Variants in UBR3 observed in about 807,000 individuals in gnomAD.
UBR3 encodes ubiquitin protein ligase E3 component n-recognin 3, also known as E3 ubiquitin-protein ligase UBR3.
Under a neutral mutation model 243.2 loss-of-function variants are expected in UBR3, and 85 were observed. The ratio of observed to expected loss-of-function variants is 0.35; its 90% CI spans 0.29 to 0.42. The LOEUF (loss-of-function observed/expected upper bound fraction) is 0.42, where lower values mean the gene tolerates loss of function less well. UBR3 is among the 10% of genes least tolerant of loss of function. The pLI is 1.00. For synonymous variants in UBR3, 748 were observed against 799.8 expected (o/e 0.94, Z 1.09); for missense variants, 1,686 against 2,300.8 (o/e 0.73, Z 5.47).
intron 10 of UBR3, among the ~76,000 whole-genome samples, chr2:169,910,857 T>C (rs1460342713): frequency 6.6e-6 from 1 of 152,178 alleles, no homozygotes; most frequent in African/African-American, 2.4e-5. Context: ...ATGCTATTTA[T>C]CACTTTGCTG....
chr2:170,004,094 ACT>A (rs1406273476), intron 27 of UBR3, among the ~76,000 whole-genome samples: 1 of 152,146 alleles, frequency 6.6e-6, no homozygotes, highest in Non-Finnish European at 1.5e-5. Flanking sequence ...GCCATTAAAG[ACT>A]CTTAAGCAGA....
chr2:169,920,202 A>G (rs574284924), intron 11 of UBR3, among the ~76,000 whole-genome samples: 99 of 152,294 alleles, frequency 6.5e-4, no homozygotes, highest in African/African-American at 2.2e-3. Flanking sequence ...CATTCTCAGC[A>G]AACTATTGCA....
chr2:169,829,363 A>G (rs976602788), intron 1 of UBR3, among the ~76,000 whole-genome samples: 2 of 152,088 alleles, frequency 1.3e-5, no homozygotes, highest in African/African-American at 2.4e-5. Context: ...AAGTCTTCAG[A>G]AAGGAGGTAT....
intron 36 of UBR3, 79 bp downstream of exon 36, chr2:170,073,686 T>G: frequency 6.9e-7 from 1 of 1,443,982 alleles, no homozygotes; most frequent in Non-Finnish European, 9.3e-7. Context: ...CTGTTAAATT[T>G]TAGGTCATCT....
At chr2:169,967,274 C>A (rs1022481465) in intron 24 of UBR3, among the ~76,000 whole-genome samples, 4 of 136,842 alleles carry the variant, frequency 2.9e-5, no homozygotes, top group Admixed American at 7.2e-5. Flanking sequence ...CGCCCCCCCC[C>A]ACACACAGTT....
chr2:169,926,543 T>G, intron 14 of UBR3, 149 bp from the exon 15 acceptor site: 2 of 744,936 alleles, frequency 2.7e-6, no homozygotes, highest in Non-Finnish European at 4.2e-6. Flanking sequence ...TGCAGTGAGC[T>G]GAGGTTGCAC....
intron 24 of UBR3, among the ~76,000 whole-genome samples, chr2:169,967,556 T>G (rs1277137125): frequency 1.3e-5 from 2 of 151,566 alleles, no homozygotes; most frequent in Non-Finnish European, 2.9e-5. Context: ...GGTGAAGGAG[T>G]GATTTTTGTC....
At chr2:169,952,848 A>G (rs2087102021) in intron 23 of UBR3, among the ~76,000 whole-genome samples, 1 of 152,142 alleles carries the variant, frequency 6.6e-6, no homozygotes, top group Admixed American at 6.5e-5. Context: ...TATAATTCAG[A>G]TGACCATTCA....
intron 32 of UBR3, among the ~76,000 whole-genome samples, chr2:170,054,644 A>C (rs898447091): frequency 6.6e-6 from 1 of 152,164 alleles, no homozygotes; most frequent in East Asian, 1.9e-4. Flanking sequence ...GCTTATTGCT[A>C]TAGTTTTCAT....
intron 1 of UBR3, among the ~76,000 whole-genome samples, chr2:169,867,422 C>T (rs1178492858): frequency 6.6e-6 from 1 of 152,076 alleles, no homozygotes; most frequent in Non-Finnish European, 1.5e-5. Flanking sequence ...GTTTGGTTCA[C>T]TTTTCTTCTA....
chr2:170,065,819 G>T (rs1411720318), intron 35 of UBR3, among the ~76,000 whole-genome samples: 1 of 151,650 alleles, frequency 6.6e-6, no homozygotes, highest in Non-Finnish European at 1.5e-5. Flanking sequence ...ATATAATTAT[G>T]ATCATATAAT....
intron 18 of UBR3, among the ~76,000 whole-genome samples, chr2:169,932,024 A>G (rs1273852634): frequency 1.3e-5 from 2 of 152,128 alleles, no homozygotes; most frequent in African/African-American, 2.4e-5. Context: ...AAAATCTTTT[A>G]TAAACAAAAA....
In UBR3 at chr2:170,006,708, T is replaced by C. The variant is rs578222290; in HGVS notation, c.4030-282T>C. Among the ~76,000 whole-genome samples the C allele has an allele frequency of 7.6e-4, 115 of 152,298 alleles. 1 individual carries two copies. The Middle Eastern group carries it at 0.017, about 23-fold the overall frequency. On this transcript the variant is annotated intron_variant, in intron 27 of 38. Transcript: ENST00000272793. ...AATTATTCTTTATCTTAAATCCACA[T>C]TTCAGATTAATTGCACCATCACTTG...
At chr2:169,903,620 C>A (rs1295210974) in intron 8 of UBR3, among the ~76,000 whole-genome samples, 2 of 152,070 alleles carry the variant, frequency 1.3e-5, no homozygotes, top group Non-Finnish European at 1.5e-5. Flanking sequence ...TGGACTGAAA[C>A]CTAAGTTTAA....
intron 28 of UBR3, among the ~76,000 whole-genome samples, chr2:170,007,986 A>G (rs2089974546): frequency 6.6e-6 from 1 of 152,190 alleles, no homozygotes; most frequent in Non-Finnish European, 1.5e-5. Context: ...CATTAGGTAT[A>G]TTAGGATTAA....
At chr2:169,972,184 G>A (rs971668022) in intron 24 of UBR3, among the ~76,000 whole-genome samples, 1 of 152,100 alleles carries the variant, frequency 6.6e-6, no homozygotes, top group Non-Finnish European at 1.5e-5. Flanking sequence ...TAAATTCCTC[G>A]ACACATACAC....
At chr2:169,910,869 T>C (rs903001955) in intron 10 of UBR3, among the ~76,000 whole-genome samples, 3 of 152,302 alleles carry the variant, frequency 2.0e-5, no homozygotes, top group African/African-American at 7.2e-5. Flanking sequence ...ACTTTGCTGT[T>C]ACTGTTTTTA....
chr2:170,062,875 A>T (rs1283844896), intron 35 of UBR3, among the ~76,000 whole-genome samples: 1 of 152,238 alleles, frequency 6.6e-6, no homozygotes, highest in Admixed American at 6.5e-5. Context: ...TACCACACAT[A>T]TTTAGACCAA....
At chr2:170,080,792 C>T (rs1369023325) in intron 38 of UBR3, 108 bp downstream of exon 38, 3 of 1,224,460 alleles carry the variant, frequency 2.5e-6, no homozygotes, top group Non-Finnish European at 3.4e-6. Context: ...TTAAGAAATT[C>T]TGACAGTCAT....
Sources: gnomAD v4.1 joint callset for allele counts (sites outside exome capture counted in the v4.1 genomes callset) on GRCh38, gnomAD v4.1.1 for gene constraint, MANE v1.5 for transcripts, NCBI Gene and HGNC (gene_info 2026-07-23, HGNC 2026-07-21) for gene names.